Variants in FBN1 observed in about 807,000 individuals in gnomAD.
The protein encoded by FBN1 is fibrillin 1.
FBN1 carries 29 observed loss-of-function variants against 365.1 expected under a neutral mutation model. The observed-to-expected ratio is 0.08, with a 90% CI of 0.06 to 0.11. The LOEUF (loss-of-function observed/expected upper bound fraction) is 0.11. Ranked by LOEUF, FBN1 falls within the 10% of genes least tolerant of loss-of-function variation. The pLI is 1.00. For synonymous variants in FBN1, 1,210 were observed against 1,270.5 expected (o/e 0.95, Z 1.01); for missense variants, 2,476 against 3,703.2 (o/e 0.67, Z 8.60).
chr15:48,502,580 C>A (rs952133579), intron 17 of FBN1, among the ~76,000 whole-genome samples: 2 of 152,150 alleles, frequency 1.3e-5, no homozygotes, highest in African/African-American at 2.4e-5. Flanking sequence ...TATTTTAGGA[C>A]ATTAGAGGTC....
At chr15:48,538,584 C>CT (rs72050382) in intron 6 of FBN1, among the ~76,000 whole-genome samples, 4,300 of 146,022 alleles carry the variant, frequency 0.029, 244 homozygotes, top group East Asian at 0.24. Flanking sequence ...AGATCTGCCT[C>CT]TTTTTTTTTT....
At chr15:48,417,448 T>TTTTCCTTCC (rs1555393968) in intron 63 of FBN1, among the ~76,000 whole-genome samples, 58 of 91,446 alleles carry the variant, frequency 6.3e-4, no homozygotes, top group Non-Finnish European at 1.1e-3. Context: ...CCCTCCCTCC[T>TTTTCCTTCC]TTCCTTCCTT....
At chr15:48,639,122 T>G (rs559077839) in intron 2 of FBN1, among the ~76,000 whole-genome samples, 26 of 152,326 alleles carry the variant, frequency 1.7e-4, no homozygotes, top group African/African-American at 6.3e-4. Flanking sequence ...ATTTTACCAA[T>G]GTCTTGGGCC....
At chr15:48,597,412 G>A (rs917464033) in intron 5 of FBN1, among the ~76,000 whole-genome samples, 4 of 152,120 alleles carry the variant, frequency 2.6e-5, no homozygotes, top group African/African-American at 9.7e-5. Context: ...ACTCTTTGAT[G>A]GGCACTTTTT....
At chr15:48,432,638 G>A (rs2043032239) in intron 55 of FBN1, among the ~76,000 whole-genome samples, 1 of 152,058 alleles carries the variant, frequency 6.6e-6, no homozygotes, top group Non-Finnish European at 1.5e-5. Context: ...GTGAGCATGC[G>A]ATGCACAGTG....
rs1302593393 is a variant in FBN1 at position 48,408,537 on chromosome 15, G to T, written c.*2453C>A. The T allele has an allele frequency of 6.6e-6, 1 of 152,622 alleles. No homozygotes were observed. The highest frequency in any genetic ancestry group is 1.5e-5 in the Non-Finnish European group (1 of 68,038). The allele number at this position is 152,622 out of a possible 1,614,324, so 9.5% of individuals were successfully genotyped here. A position where few individuals can be genotyped will look rare whatever the true frequency, so the allele number is the denominator to read the frequency against. ...TTATTGGCAAATGAAATGGGCTGAG[G>T]GGGTAGAGACAAGATATTTTCAAGC... On this transcript the variant is annotated 3_prime_UTR_variant, in exon 66 of 66. Transcript: ENST00000316623.
At chr15:48,497,647 T>C (rs1167905926) in intron 18 of FBN1, among the ~76,000 whole-genome samples, 1 of 151,798 alleles carries the variant, frequency 6.6e-6, no homozygotes, top group East Asian at 2.0e-4. Context: ...TTAATCAAGC[T>C]GAAGGAGACC....
intron 6 of FBN1, among the ~76,000 whole-genome samples, chr15:48,543,666 A>T (rs2044075173): frequency 6.6e-6 from 1 of 152,236 alleles, no homozygotes; most frequent in African/African-American, 2.4e-5. Flanking sequence ...TTCCAAAAGC[A>T]AATTACTTTC....
intron 17 of FBN1, among the ~76,000 whole-genome samples, chr15:48,503,362 C>A (rs988454432): frequency 1.3e-5 from 2 of 149,056 alleles, no homozygotes; most frequent in Non-Finnish European, 3.0e-5. Flanking sequence ...AAAATCAATA[C>A]GTGGGATGTA....
At chr15:48,523,629 C>G (rs1386448887) in intron 9 of FBN1, among the ~76,000 whole-genome samples, 1 of 148,762 alleles carries the variant, frequency 6.7e-6, no homozygotes, top group East Asian at 2.0e-4. Context: ...AATTGGAAAC[C>G]ATTTGGAGTA....
rs1021825021 is a variant in FBN1, at chr15:48,441,985, C to A, written c.6038-139G>T. Reference sequence around the variant, plus strand: ...ATAAAGGTATTTTTCTGTACCATAACACTGTGGACTGGACTTCTAGGTTGT... The same window carrying A: ...ATAAAGGTATTTTTCTGTACCATAAAACTGTGGACTGGACTTCTAGGTTGT... On this transcript the variant is annotated intron_variant, in intron 49 of 65. Coordinates refer to ENST00000316623, the MANE Select transcript of FBN1 (RefSeq NM_000138.5). 8.0e-6 allele frequency: 7 copies of A among 877,874 alleles called. No homozygotes were observed. The African/African-American group carries it at 1.2e-4, about 14-fold the overall frequency. 54.4% of individuals were successfully genotyped at this position (877,874 alleles called of 1,614,324 possible).
chr15:48,638,620 T>C (rs1168804721), intron 2 of FBN1, among the ~76,000 whole-genome samples: 2 of 142,304 alleles, frequency 1.4e-5, no homozygotes, highest in Non-Finnish European at 3.1e-5. Context: ...ATCAGAGCTT[T>C]TTTTTTTTTT....
intron 50 of FBN1, among the ~76,000 whole-genome samples, chr15:48,440,327 G>C (rs979341279): frequency 6.6e-6 from 1 of 152,172 alleles, no homozygotes; most frequent in Non-Finnish European, 1.5e-5. Flanking sequence ...TTCCTGCAGC[G>C]TTAGCTTGCT....
intron 6 of FBN1, among the ~76,000 whole-genome samples, chr15:48,563,379 T>G (rs1488931184): frequency 6.6e-6 from 1 of 152,080 alleles, no homozygotes; most frequent in African/African-American, 2.4e-5. Flanking sequence ...GAGTATCATA[T>G]GAAGGAGATT....
At chr15:48,570,401 C>T (rs1225796539) in intron 6 of FBN1, among the ~76,000 whole-genome samples, 3 of 151,464 alleles carry the variant, frequency 2.0e-5, no homozygotes, top group Non-Finnish European at 4.4e-5. Flanking sequence ...AGGATGTATA[C>T]ACATACATAA....
Position 48,487,247 on chromosome 15 carries a change from C to T in FBN1, c.3464-47G>A, listed in dbSNP as rs1428605135. The T allele has an allele frequency of 1.9e-6, 3 of 1,614,128 alleles. No individual in the cohort carries two copies. The South Asian group carries it at 3.3e-5, about 18-fold the overall frequency. ...CAAACACCCAAACATAAGCTTCCAA[C>T]TTTGGCAATGATGTCATTCAAACAA... is the stretch of plus-strand genomic sequence containing the variant. On this transcript the variant is annotated intron_variant, in intron 28 of 65. Coordinates refer to ENST00000316623, the MANE Select transcript of FBN1 (RefSeq NM_000138.5).
intron 4 of FBN1, among the ~76,000 whole-genome samples, chr15:48,604,996 C>A (rs1265712136): frequency 6.6e-6 from 1 of 152,180 alleles, no homozygotes; most frequent in Non-Finnish European, 1.5e-5. Flanking sequence ...TTGTCTGCGA[C>A]TGGTCCTGCT....
chr15:48,501,193 C>A (rs1178795770), intron 17 of FBN1, among the ~76,000 whole-genome samples: 1 of 152,164 alleles, frequency 6.6e-6, no homozygotes, highest in Non-Finnish European at 1.5e-5. Context: ...GAAACTTCAT[C>A]CCCAATTCAA....
rs147444776 is a variant in FBN1 at position 48,457,002 on chromosome 15, G to A, written c.5297-240C>T. Among the ~76,000 whole-genome samples, 518 of 152,246 alleles carry A rather than the reference G, an allele frequency of 3.4e-3. 4 individuals are homozygous for A. The highest frequency in any genetic ancestry group is 5.7e-3 in the Non-Finnish European group (391 of 68,030). ...TATGTTCTGGGTTTTGCTTCAGAAT[G>A]TCAATTTTGTACAGGTAGGAGATAT... On this transcript the variant is annotated intron_variant, in intron 43 of 65. Transcript: ENST00000316623.
Sources: gnomAD v4.1 joint callset for allele counts (sites outside exome capture counted in the v4.1 genomes callset) on GRCh38, gnomAD v4.1.1 for gene constraint, MANE v1.5 for transcripts, NCBI Gene and HGNC (gene_info 2026-07-23, HGNC 2026-07-21) for gene names.